STMN4: variants seen among roughly 807,000 people sequenced by gnomAD.
The protein encoded by STMN4 is stathmin-4.
A neutral mutation model predicts 29.1 loss-of-function variants in STMN4; 12 were observed. That is an observed-to-expected ratio of 0.41 (90% CI 0.26 to 0.67). The LOEUF is 0.67. Among genes scored for constraint, STMN4 ranks in the 30% least tolerant of loss-of-function variants. The probability of loss-of-function intolerance (pLI) is 0.30; values close to 1 mark genes in which losing one functional copy is unlikely to be tolerated. For synonymous variants in STMN4, 114 were observed against 105.3 expected, an observed-to-expected ratio of 1.08 and a Z score of -0.51; for missense variants, 181 against 262.8, an observed-to-expected ratio of 0.69 and a Z score of 2.15.
At chr8:27,240,938 C>A in intron 5 of STMN4, 116 bp downstream of exon 5, 1 of 1,010,814 alleles carries the variant, frequency 9.9e-7, no homozygotes, top group African/African-American at 1.6e-5. Context: ...GGGAGATGCT[C>A]CCTAAATATT....
intron 2 of STMN4, among the ~76,000 whole-genome samples, chr8:27,242,987 G>A (rs762363100): frequency 6.6e-6 from 1 of 152,150 alleles, no homozygotes; most frequent in African/African-American, 2.4e-5. Flanking sequence ...CCCTCACAAG[G>A]TCAGGCTATA....
intron 1 of STMN4, among the ~76,000 whole-genome samples, chr8:27,247,706 C>G (rs1801665467): frequency 6.6e-6 from 1 of 152,176 alleles, no homozygotes; most frequent in Admixed American, 6.5e-5. Context: ...GTGTTATGCC[C>G]AAGGTCAGAG....
rs143115752 is a variant in STMN4, at chr8:27,241,236, C to T, written c.217G>A (p.Val73Ile). Residue 73 changes from valine to isoleucine, a missense_variant, in exon 5 of 7, where the codon GTC becomes ATC. Physicochemically the swap from Val to Ile is conservative, Grantham distance 29 (BLOSUM62 3). Coordinates refer to ENST00000350889, the MANE Select transcript of STMN4 (RefSeq NM_030795.4). ...QADTVDLNWC[V>I]ISDMEVIELN... is the part of the protein sequence containing the mutation. ...TCGATGACTTCCATGTCGGAAATGA[C>T]GCACCAATTCAGGTCCACCGTGTCT... The T allele has an allele frequency of 2.5e-6, 4 of 1,614,178 alleles. No individual in the cohort carries two copies. Among genetic ancestry groups the T allele is most frequent in the South Asian group, 1.1e-5 (1 of 91,080 alleles).
intron 1 of STMN4, among the ~76,000 whole-genome samples, chr8:27,247,905 T>C (rs1465404786): frequency 6.6e-6 from 1 of 152,242 alleles, no homozygotes. Flanking sequence ...AGGTTCCTTA[T>C]GTGTTTTCTG....
intron 2 of STMN4, among the ~76,000 whole-genome samples, chr8:27,243,043 G>C (rs766610840): frequency 6.6e-5 from 10 of 152,108 alleles, no homozygotes; most frequent in Non-Finnish European, 1.3e-4. Flanking sequence ...CCTGGGGGTC[G>C]CTGGTGTCCC....
In STMN4 at chr8:27,236,766, A is replaced by G; in HGVS notation, c.*80T>C. ...CCCCAAACCCCAGTGCTGGGAGCGC[A>G]GCCGGCGGGCGAGGCTGCCTGGAAC... On this transcript the variant is annotated 3_prime_UTR_variant, in exon 7 of 7. Coordinates refer to ENST00000350889, the MANE Select transcript of STMN4 (RefSeq NM_030795.4). The G allele has an allele frequency of 1.5e-6, 2 of 1,298,530 alleles. No homozygotes were observed. The highest frequency in any genetic ancestry group is 2.1e-6 in the Non-Finnish European group (2 of 969,518). The allele number at this position is 1,298,530 out of a possible 1,614,324, so 80.4% of individuals were successfully genotyped here.
intron 1 of STMN4, among the ~76,000 whole-genome samples, chr8:27,254,976 T>A (rs562107265): frequency 6.6e-6 from 1 of 152,014 alleles, no homozygotes; most frequent in South Asian, 2.1e-4. Context: ...TGGGGGTTCA[T>A]GTGTGTGCAT....
At chr8:27,238,672 C>T (rs1369267682) in intron 6 of STMN4, among the ~76,000 whole-genome samples, 1 of 152,202 alleles carries the variant, frequency 6.6e-6, no homozygotes, top group Non-Finnish European at 1.5e-5. Flanking sequence ...ACCACTTGGA[C>T]TTGGAGCCAA....
chr8:27,239,386 G>C, intron 6 of STMN4: 1 of 1,284,610 alleles, frequency 7.8e-7, no homozygotes, highest in Non-Finnish European at 1.1e-6. Context: ...AGAACGGGCC[G>C]GTATTCTGCT....
At chr8:27,252,392 C>T (rs1801816002) in intron 1 of STMN4, among the ~76,000 whole-genome samples, 1 of 152,078 alleles carries the variant, frequency 6.6e-6, no homozygotes, top group Non-Finnish European at 1.5e-5. Flanking sequence ...CCACAAAGGG[C>T]TAATATCCAG....
intron 1 of STMN4, among the ~76,000 whole-genome samples, chr8:27,245,451 T>G (rs1213636760): frequency 6.6e-6 from 1 of 152,210 alleles, no homozygotes; most frequent in East Asian, 1.9e-4. Flanking sequence ...ACTGCTTTGT[T>G]CTCCTTGTTC....
intron 1 of STMN4, among the ~76,000 whole-genome samples, chr8:27,247,871 C>T (rs1801670592): frequency 6.6e-6 from 1 of 152,234 alleles, no homozygotes; most frequent in Non-Finnish European, 1.5e-5. Context: ...AGTGCAGAAG[C>T]AAACCTCCAT....
chr8:27,237,699 G>A (rs1458776644), intron 6 of STMN4, among the ~76,000 whole-genome samples: 2 of 152,064 alleles, frequency 1.3e-5, no homozygotes, highest in African/African-American at 4.8e-5. Context: ...GCCTTCCAAG[G>A]CCCATCTGCA....
chr8:27,249,099 C>A lies in STMN4; in HGVS notation c.-78-5298G>T, dbSNP rs960541551. The stretch of plus-strand genomic sequence containing the variant: ...AATAAATTAGTGGGTGATAACCCCC[C>A]CCAAGCACAGAGCCAGCCGTAAGGA... On this transcript the variant is annotated intron_variant, in intron 1 of 6. Transcript: ENST00000350889. Among the ~76,000 whole-genome samples, 15 of 152,254 alleles carry A rather than the reference C, an allele frequency of 9.9e-5. No individual in the cohort carries two copies. The South Asian group carries it at 1.5e-3, about 15-fold the overall frequency.
At chr8:27,254,431 T>C (rs12545925) in intron 1 of STMN4, among the ~76,000 whole-genome samples, 6 of 151,982 alleles carry the variant, frequency 3.9e-5, no homozygotes, top group South Asian at 2.1e-4. Context: ...AATCAGGCCA[T>C]CCAGCCCCAG....
intron 1 of STMN4, among the ~76,000 whole-genome samples, chr8:27,251,278 G>T (rs1017453232): frequency 9.6e-6 from 1 of 104,246 alleles, no homozygotes; most frequent in African/African-American, 3.5e-5. Context: ...ATATATACAC[G>T]TATATACGTA....
chr8:27,245,808 G>A (rs1159706071), intron 1 of STMN4, among the ~76,000 whole-genome samples: 2 of 152,194 alleles, frequency 1.3e-5, no homozygotes, highest in Non-Finnish European at 2.9e-5. Context: ...GGCAGTTGGA[G>A]TTATGGAATG....
At chr8:27,251,286 GTATATATATATACA>G (rs1157624906) in intron 1 of STMN4, among the ~76,000 whole-genome samples, 3 of 139,624 alleles carry the variant, frequency 2.1e-5, no homozygotes, top group Non-Finnish European at 4.7e-5. Context: ...ACGTATATAC[GTATATATATATACA>G]TATAATATTA....
chr8:27,258,216 A>C (rs950848858), intron 1 of STMN4, 135 bp downstream of exon 1: 2 of 152,156 alleles, frequency 1.3e-5, no homozygotes, highest in African/African-American at 4.8e-5. Flanking sequence ...AGATCTGACA[A>C]AGTTTAAATG....
Sources: gnomAD v4.1 joint callset for allele counts (sites outside exome capture counted in the v4.1 genomes callset) on GRCh38, gnomAD v4.1.1 for gene constraint, MANE v1.5 for transcripts, NCBI Gene and HGNC (gene_info 2026-07-23, HGNC 2026-07-21) for gene names.